LRRC4B: variants seen among roughly 807,000 people sequenced by gnomAD.
LRRC4B encodes leucine rich repeat containing 4B, also known as leucine-rich repeat-containing protein 4B.
Under a neutral mutation model 7.3 loss-of-function variants are expected in LRRC4B, and 1 was observed. That is an observed-to-expected ratio of 0.14 (90% CI 0.05 to 0.65). The LOEUF (loss-of-function observed/expected upper bound fraction) is 0.65. LRRC4B is among the 30% of genes least tolerant of loss of function. The pLI, the probability that LRRC4B is intolerant of heterozygous loss-of-function variation, is 0.84. For missense variants in LRRC4B, 730 were observed against 1,041.6 expected, an observed-to-expected ratio of 0.70 and a Z score of 4.12; for synonymous variants, 500 against 499.2, an observed-to-expected ratio of 1.00 and a Z score of -0.02.
At chr19:50,539,846 C>T (rs1981464647) in intron 2 of LRRC4B, among the ~76,000 whole-genome samples, 1 of 148,178 alleles carries the variant, frequency 6.7e-6, no homozygotes, top group South Asian at 2.1e-4. Context: ...GAGATCGCGC[C>T]ACTGCACTCC....
chr19:50,536,165 G>A (rs1033831766), intron 2 of LRRC4B, among the ~76,000 whole-genome samples: 3 of 149,922 alleles, frequency 2.0e-5, no homozygotes, highest in East Asian at 1.9e-4. Flanking sequence ...ATGGAGTCTC[G>A]CTCTGTCGCC....
chr19:50,554,124 G>C (rs1249726721), intron 1 of LRRC4B, among the ~76,000 whole-genome samples: 1 of 151,258 alleles, frequency 6.6e-6, no homozygotes, highest in Non-Finnish European at 1.5e-5. Flanking sequence ...CTCCTGAGTA[G>C]CTGAGACTAC....
chr19:50,561,514 G>A (rs1032761845), intron 1 of LRRC4B, among the ~76,000 whole-genome samples: 7 of 151,118 alleles, frequency 4.6e-5, no homozygotes, highest in Non-Finnish European at 1.0e-4. Flanking sequence ...CAAGAGGATC[G>A]CATGAGCTCA....
At chr19:50,522,538 G>A (rs989210665) in intron 2 of LRRC4B, among the ~76,000 whole-genome samples, 2 of 152,042 alleles carry the variant, frequency 1.3e-5, no homozygotes, top group African/African-American at 4.8e-5. Flanking sequence ...GTGCAGAGGC[G>A]TGATCTCGGC....
In LRRC4B at chr19:50,548,847, T is replaced by C. The variant is rs1981933711; in HGVS notation, c.-9A>G. 1.4e-6 allele frequency: 2 copies of C among 1,455,430 alleles called. No homozygotes were observed. Among genetic ancestry groups the C allele is most frequent in the South Asian group, 2.8e-5 (2 of 70,666 alleles). 90.2% of individuals were successfully genotyped at this position (1,455,430 alleles called of 1,614,324 possible). On this transcript the variant is annotated 5_prime_UTR_variant, in exon 2 of 3. Transcript: ENST00000652263. This position sits in a 1 kb window ranked among gnomAD's most constrained non-coding sequence, Gnocchi z 6.8. Reference sequence around the variant, plus strand: ...CCGCGGGCACGCGCCATCCTCAATGTTCATGCTCCGCGTGGACGCTGGGGG... The same window carrying C: ...CCGCGGGCACGCGCCATCCTCAATGCTCATGCTCCGCGTGGACGCTGGGGG...
At chr19:50,527,203 T>G (rs1980848020) in intron 2 of LRRC4B, among the ~76,000 whole-genome samples, 1 of 151,740 alleles carries the variant, frequency 6.6e-6, no homozygotes, top group Non-Finnish European at 1.5e-5. Context: ...CAGCTAATTT[T>G]CTGCATTTTT....
chr19:50,539,630 T>C (rs1345132172), intron 2 of LRRC4B, among the ~76,000 whole-genome samples: 1 of 152,080 alleles, frequency 6.6e-6, no homozygotes, highest in East Asian at 1.9e-4. Context: ...GGCTCACACA[T>C]GTAATCCCAG....
rs534940795 is a variant in LRRC4B at position 50,532,846 on chromosome 19, T to C, written c.298-13431A>G. Among the ~76,000 whole-genome samples, 13 of 152,288 alleles carry C rather than the reference T, an allele frequency of 8.5e-5. No homozygotes were observed. In the East Asian group the frequency reaches 1.9e-3, roughly 23 times the overall value. ...CAGACTAGAGTGTCTAAGGCTCTTATTGGGGAACACCCTGGTTGTGCTGGT... is the reference window on the plus strand; with the variant it reads ...CAGACTAGAGTGTCTAAGGCTCTTACTGGGGAACACCCTGGTTGTGCTGGT... On this transcript the variant is annotated intron_variant, in intron 2 of 2. Transcript: ENST00000652263.
chr19:50,519,653 G>T lies in LRRC4B; in HGVS notation c.298-238C>A, dbSNP rs1023586714. 6.6e-6 allele frequency among the ~76,000 whole-genome samples: 1 copy of T among 152,154 alleles called. No individual in the cohort carries two copies. The highest frequency in any genetic ancestry group is 1.5e-5 in the Non-Finnish European group (1 of 68,020). On this transcript the variant is annotated intron_variant, in intron 2 of 2. Coordinates refer to ENST00000652263, the MANE Select transcript of LRRC4B (RefSeq NM_001080457.2). This position sits in a 1 kb window ranked among gnomAD's most constrained non-coding sequence, Gnocchi z 8.1. ...GCACTTTGGGAGGCCGAGGCAGGTG[G>T]ATCACTTGAGGTCAGGAGTTTGAGA...
At position 50,517,104 on chromosome 19, in the gene LRRC4B, C is replaced by G. The variant is rs1442667816; in HGVS notation, c.*467G>C. 1 of 150,160 alleles carries G rather than the reference C, an allele frequency of 6.7e-6. No homozygotes were observed. Among genetic ancestry groups the G allele is most frequent in the African/African-American group, 2.4e-5 (1 of 40,978 alleles). The allele number at this position is 150,160 out of a possible 1,614,324, so 9.3% of individuals were successfully genotyped here. On this transcript the variant is annotated 3_prime_UTR_variant, in exon 3 of 3. Transcript: ENST00000652263. This position sits in a 1 kb window ranked among gnomAD's most constrained non-coding sequence, Gnocchi z 6.6. ...GGCGCTGGGACGGGAGCTCTGGCGA[C>G]GTGTCCATCTCTTCAGTTTTGAGGG...
In LRRC4B at chr19:50,517,608, C is replaced by T. The variant is rs1980330850; in HGVS notation, c.2105G>A (p.Ser702Asn). 6.8e-7 allele frequency: 1 copy of T among 1,470,736 alleles called. No homozygotes were observed. The allele number at this position is 1,470,736 out of a possible 1,614,324, so 91.1% of individuals were successfully genotyped here. The part of the protein sequence containing the change: ...NSIHEPLLFK[S>N]GSKENVQETQ... The stretch of plus-strand genomic sequence containing the variant: ...CTCTTGCACGTTCTCCTTGGAGCCG[C>T]TCTTGAAGAGCAGAGGTTCGTGGAT... The change falls in exon 3 of 3, where the codon AGC (serine) becomes AAC (asparagine). Residue 702 changes from serine (S) to asparagine (N), a missense_variant. Physicochemically the swap from Ser to Asn is conservative, Grantham distance 46 (BLOSUM62 1). Around this residue, in one of 6 missense-constraint regions of LRRC4B, gnomAD observed 5 missense variants for 18.5 expected, o/e 0.27. Transcript: ENST00000652263. This position sits in a 1 kb window ranked among gnomAD's most constrained non-coding sequence, Gnocchi z 6.6.
Position 50,548,563 on chromosome 19 carries a change from GT to G in LRRC4B, c.275del (p.Asn92ThrfsTer9). 1 of 1,600,296 alleles carries G rather than the reference GT, an allele frequency of 6.2e-7. No homozygotes were observed. The highest frequency in any genetic ancestry group is 8.5e-7 in the Non-Finnish European group (1 of 1,178,508). ...ASIPVNTRYLNLQENGIQVIR... is the reference protein window; with the variant it reads ...ASIPVNTRYLXLQENGIQVIR... ...ATACCTGGATGCCGTTCTCTTGCAG[GT>G]TCAGGTACCGCGTGTTGACCGGGAT... On this transcript the variant is annotated frameshift_variant, in exon 2 of 3. Transcript: ENST00000652263. LOFTEE classifies it low-confidence loss of function (END_TRUNC). The surrounding 1 kb of genome is among the most constrained non-coding windows in gnomAD (Gnocchi z 6.8).
In LRRC4B at chr19:50,519,792, G is replaced by A. The variant is rs924186490; in HGVS notation, c.298-377C>T. On this transcript the variant is annotated intron_variant, in intron 2 of 2. Transcript: ENST00000652263. This position sits in a 1 kb window ranked among gnomAD's most constrained non-coding sequence, Gnocchi z 8.1. ...GGAGGCTGAGGCACGAGAATCACTTGAACCCAGGAGGCGGAGTCTGCAGTG... is the reference window on the plus strand; with the variant it reads ...GGAGGCTGAGGCACGAGAATCACTTAAACCCAGGAGGCGGAGTCTGCAGTG... 2.6e-5 allele frequency among the ~76,000 whole-genome samples: 4 copies of A among 152,158 alleles called. No homozygotes were observed. Among genetic ancestry groups the A allele is most frequent in the Admixed American group, 1.3e-4 (2 of 15,270 alleles).
chr19:50,550,646 A>T (rs904334841), intron 1 of LRRC4B, among the ~76,000 whole-genome samples: 1 of 152,202 alleles, frequency 6.6e-6, no homozygotes, highest in South Asian at 2.1e-4. Context: ...AGACAGAGAC[A>T]CAGAGAGACA....
At chr19:50,534,246 C>T (rs1981170624) in intron 2 of LRRC4B, among the ~76,000 whole-genome samples, 1 of 152,118 alleles carries the variant, frequency 6.6e-6, no homozygotes, top group Non-Finnish European at 1.5e-5. Flanking sequence ...TGGAGGCTGC[C>T]CTGGTTGCAG....
Position 50,519,280 on chromosome 19 carries a change from G to T in LRRC4B, c.433C>A (p.Arg145=). ...SLNTLELFDN[R]LTTVPTQAFE... is the part of the protein sequence containing the mutation. Reference sequence around the variant, plus strand: ...GCCTGCGTGGGCACCGTGGTCAGCCGGTTGTCAAAAAGCTCCAGCGTGTTG... The same window carrying T: ...GCCTGCGTGGGCACCGTGGTCAGCCTGTTGTCAAAAAGCTCCAGCGTGTTG... The change falls in exon 3 of 3, where the codon CGG becomes AGG. Residue 145 remains arginine (R), a synonymous_variant. Transcript: ENST00000652263. This position sits in a 1 kb window ranked among gnomAD's most constrained non-coding sequence, Gnocchi z 8.1. 1 of 1,614,026 alleles carries T rather than the reference G, an allele frequency of 6.2e-7. No individual in the cohort carries two copies. Among genetic ancestry groups the T allele is most frequent in the Non-Finnish European group, 8.5e-7 (1 of 1,180,028 alleles).
chr19:50,559,564 G>T (rs939419484), intron 1 of LRRC4B, among the ~76,000 whole-genome samples: 1 of 152,238 alleles, frequency 6.6e-6, no homozygotes, highest in Non-Finnish European at 1.5e-5. Flanking sequence ...GGCATTGGTG[G>T]TTTTTACAAC....
intron 2 of LRRC4B, among the ~76,000 whole-genome samples, chr19:50,525,466 C>T (rs1980767415): frequency 6.7e-6 from 1 of 148,284 alleles, no homozygotes; most frequent in African/African-American, 2.5e-5. Flanking sequence ...AGTGCAATGG[C>T]GTAATCTTGG....
chr19:50,537,181 C>A lies in LRRC4B; in HGVS notation c.297+11361G>T, dbSNP rs1029095018. On this transcript the variant is annotated intron_variant, in intron 2 of 2. Transcript: ENST00000652263. This position sits in a 1 kb window ranked among gnomAD's most constrained non-coding sequence, Gnocchi z 5.5. Reference sequence around the variant, plus strand: ...AGCATTACGAATCGCGTTGAAAAAACCAAGTTCTGCAGCCAGCCTGCCTGG... The same window carrying A: ...AGCATTACGAATCGCGTTGAAAAAAACAAGTTCTGCAGCCAGCCTGCCTGG... Among the ~76,000 whole-genome samples the A allele has an allele frequency of 1.3e-5, 2 of 152,310 alleles. No individual in the cohort carries two copies. Among genetic ancestry groups the A allele is most frequent in the East Asian group, 3.9e-4 (2 of 5,184 alleles).
Sources: gnomAD v4.1 joint callset for allele counts (sites outside exome capture counted in the v4.1 genomes callset) on GRCh38, gnomAD v4.1.1 for gene constraint, gnomAD v4.1.1 regional missense constraint, Gnocchi (gnomAD v3.1) non-coding constraint, MANE v1.5 for transcripts, NCBI Gene and HGNC (gene_info 2026-07-23, HGNC 2026-07-21) for gene names.